Variants in CSMD1 observed in about 807,000 individuals in gnomAD.
CSMD1 encodes the protein CUB and sushi domain-containing protein 1.
A neutral mutation model predicts 417.5 loss-of-function variants in CSMD1; 213 were observed. That is an observed-to-expected ratio of 0.51 (90% confidence interval 0.46 to 0.57). The LOEUF (loss-of-function observed/expected upper bound fraction) is 0.57, where lower values mean the gene tolerates loss of function less well. Ranked by LOEUF, CSMD1 falls within the 20% of genes least tolerant of loss-of-function variation. The pLI is 0.00. For missense variants in CSMD1, 6,923 were observed against 4,529.7 expected (o/e 1.53, Z -15.17); for synonymous variants, 2,862 against 1,736.8 (o/e 1.65, Z -16.11).
intron 1 of CSMD1, among the ~76,000 whole-genome samples, chr8:4,809,870 G>A (rs1798796382): frequency 6.6e-6 from 1 of 152,178 alleles, no homozygotes; most frequent in African/African-American, 2.4e-5. Context: ...GGGGCAAGCG[G>A]TTGCCATATT....
chr8:4,218,125 G>A (rs538885624), intron 3 of CSMD1, among the ~76,000 whole-genome samples: 55 of 152,308 alleles, frequency 3.6e-4, no homozygotes, highest in African/African-American at 1.3e-3. Context: ...ACCTTGAACA[G>A]CAGGGTATAA....
intron 2 of CSMD1, among the ~76,000 whole-genome samples, chr8:4,473,150 T>C (rs989267894): frequency 3.9e-5 from 6 of 152,196 alleles, no homozygotes; most frequent in Admixed American, 6.5e-5. Context: ...TCCTGGAATA[T>C]AGATTTTAAA....
chr8:3,985,151 T>C (rs980491880), intron 5 of CSMD1, among the ~76,000 whole-genome samples: 2 of 152,148 alleles, frequency 1.3e-5, no homozygotes, highest in Admixed American at 6.6e-5. Context: ...GAGGGTGTGA[T>C]GGATGCCAGC....
At chr8:3,571,423 G>C (rs931151251) in intron 10 of CSMD1, among the ~76,000 whole-genome samples, 1 of 152,166 alleles carries the variant, frequency 6.6e-6, no homozygotes, top group Non-Finnish European at 1.5e-5. Context: ...TTCTGAACTG[G>C]AAAGATTTTG....
At chr8:4,488,037 T>C (rs1258725384) in intron 2 of CSMD1, among the ~76,000 whole-genome samples, 11 of 152,196 alleles carry the variant, frequency 7.2e-5, no homozygotes, top group Admixed American at 7.2e-4. Flanking sequence ...GAGTAGGTCA[T>C]GAGGATGGAG....
At chr8:3,891,777 A>G (rs145929727) in intron 5 of CSMD1, among the ~76,000 whole-genome samples, 169 of 152,240 alleles carry the variant, frequency 1.1e-3, no homozygotes, top group African/African-American at 3.7e-3. Context: ...TCATAACGTC[A>G]TTACTATGTG....
intron 3 of CSMD1, among the ~76,000 whole-genome samples, chr8:4,234,273 CG>C (rs1801915615): frequency 6.6e-6 from 1 of 152,156 alleles, no homozygotes; most frequent in Non-Finnish European, 1.5e-5. Context: ...AAGACTTACA[CG>C]AAGTGATCTA....
chr8:4,396,614 GAT>G (rs1278325442), intron 3 of CSMD1, among the ~76,000 whole-genome samples: 5 of 129,254 alleles, frequency 3.9e-5, no homozygotes, highest in African/African-American at 1.3e-4. Flanking sequence ...AGGAAAATGT[GAT>G]ACACACACAC....
intron 3 of CSMD1, among the ~76,000 whole-genome samples, chr8:4,274,627 C>G (rs150627477): frequency 4.3e-4 from 65 of 152,002 alleles, no homozygotes; most frequent in African/African-American, 1.4e-3. Flanking sequence ...TATTAAATAT[C>G]GAACAAAAAT....
intron 26 of CSMD1, among the ~76,000 whole-genome samples, chr8:3,233,767 A>T (rs1798989789): frequency 6.6e-6 from 1 of 152,136 alleles, no homozygotes; most frequent in Non-Finnish European, 1.5e-5. Flanking sequence ...AACTTGACTT[A>T]TGGTAATTCT....
intron 1 of CSMD1, among the ~76,000 whole-genome samples, chr8:4,989,541 C>T (rs1026954283): frequency 1.3e-5 from 2 of 152,152 alleles, no homozygotes; most frequent in Non-Finnish European, 2.9e-5. Context: ...CATACTTGAC[C>T]TTTACTATGT....
chr8:4,322,349 G>A (rs577295779), intron 3 of CSMD1, among the ~76,000 whole-genome samples: 1 of 152,136 alleles, frequency 6.6e-6, no homozygotes, highest in Non-Finnish European at 1.5e-5. Flanking sequence ...CTGAGCACTG[G>A]AGAGAGTTTA....
chr8:2,979,411 T>C (rs1016101926), intron 54 of CSMD1, among the ~76,000 whole-genome samples: 8 of 152,252 alleles, frequency 5.3e-5, no homozygotes, highest in Non-Finnish European at 1.0e-4. Context: ...GGACATGCTG[T>C]GGTTCCTCTG....
chr8:4,290,183 T>C (rs115894998), intron 3 of CSMD1, among the ~76,000 whole-genome samples: 408 of 152,296 alleles, frequency 2.7e-3, no homozygotes, highest in African/African-American at 9.0e-3. Flanking sequence ...GCGTGGACTT[T>C]TGAAAGAATC....
At chr8:3,665,359 A>G (rs556315107) in intron 7 of CSMD1, among the ~76,000 whole-genome samples, 44 of 152,018 alleles carry the variant, frequency 2.9e-4, no homozygotes, top group Non-Finnish European at 5.3e-4. Flanking sequence ...GCAACACCCC[A>G]TCTCTACTAA....
At chr8:3,303,104 G>C (rs1476152885) in intron 25 of CSMD1, among the ~76,000 whole-genome samples, 1 of 152,148 alleles carries the variant, frequency 6.6e-6, no homozygotes, top group Non-Finnish European at 1.5e-5. Flanking sequence ...TGAAAACTAA[G>C]GGAAGGGTCT....
At chr8:3,276,430 G>A (rs1340678286) in intron 26 of CSMD1, among the ~76,000 whole-genome samples, 1 of 152,180 alleles carries the variant, frequency 6.6e-6, no homozygotes, top group Admixed American at 6.5e-5. Context: ...CCGACTGCAA[G>A]TCACATCTTA....
intron 1 of CSMD1, among the ~76,000 whole-genome samples, chr8:4,873,951 C>A (rs187920387): frequency 6.6e-6 from 1 of 152,184 alleles, no homozygotes; most frequent in Admixed American, 6.5e-5. Context: ...AAGCAAGGAA[C>A]TATTTCAAGC....
At chr8:4,366,018 C>T (rs114406196) in intron 3 of CSMD1, among the ~76,000 whole-genome samples, 1,883 of 152,108 alleles carry the variant, frequency 0.012, 32 homozygotes, top group African/African-American at 0.042. Flanking sequence ...TAGGAATGAG[C>T]CTGTCGCCCA....
Sources: gnomAD v4.1 joint callset for allele counts (sites outside exome capture counted in the v4.1 genomes callset) on GRCh38, gnomAD v4.1.1 for gene constraint, MANE v1.5 for transcripts, NCBI Gene and HGNC (gene_info 2026-07-23, HGNC 2026-07-21) for gene names.